The following ALDH18A1 variants were observed in gnomAD, a reference collection of about 807,000 sequenced individuals.
ALDH18A1 encodes the protein aldehyde dehydrogenase 18 family member A1.
In ALDH18A1, 44 loss-of-function variants were observed where a neutral mutation model predicts 88.8. That is an observed-to-expected ratio of 0.50 (90% CI 0.39 to 0.64). ALDH18A1 has a LOEUF of 0.64. Among genes scored for constraint, ALDH18A1 ranks in the 30% least tolerant of loss-of-function variants. The probability of loss-of-function intolerance (pLI) is 0.00; values close to 1 mark genes in which losing one functional copy is unlikely to be tolerated. For synonymous variants in ALDH18A1, 331 were observed against 372.1 expected, an observed-to-expected ratio of 0.89 and a Z score of 1.27; for missense variants, 782 against 1,009.5, an observed-to-expected ratio of 0.77 and a Z score of 3.05.
chr10:95,626,707 T>C lies in ALDH18A1; in HGVS notation c.1148A>G (p.Glu383Gly). 1 of 1,613,914 alleles carries C rather than the reference T, an allele frequency of 6.2e-7. No homozygotes were observed. The highest frequency in any genetic ancestry group is 2.2e-5 in the East Asian group (1 of 44,884). ...GGRMLATLEPEQRAEIIHHLA... is the reference protein window; with the variant it reads ...GGRMLATLEPGQRAEIIHHLA... ...ATTATCACCTAAGGTTATTACCTGC[T>C]CAGGTTCCAAGGTGGCCAACATCCT... is the stretch of plus-strand genomic sequence containing the variant. Residue 383 changes from glutamate (E) to glycine (G), a missense_variant, in exon 10 of 18, where the codon GAG becomes GGG. Glu to Gly is a moderately conservative substitution (Grantham distance 98). Around this residue, in one of 3 missense-constraint regions of ALDH18A1, gnomAD observed 556 missense variants for 654.5 expected, o/e 0.85. Transcript: ENST00000371224.
chr10:95,634,729 G>T (rs1238325450), intron 5 of ALDH18A1, among the ~76,000 whole-genome samples: 2 of 152,190 alleles, frequency 1.3e-5, no homozygotes, highest in African/African-American at 2.4e-5. Context: ...AAACAGCTCT[G>T]CTTTCTAGCT....
Position 95,621,336 on chromosome 10 carries a change from T to C in ALDH18A1, c.1247-85A>G, listed in dbSNP as rs1466252611. ...CCGATGTGTCTTTTTTTTTTTTTTT[T>C]TGAGACAGGGTCTCACTCTGACGCC... On this transcript the variant is annotated intron_variant, in intron 11 of 17. Transcript: ENST00000371224. The C allele has an allele frequency of 5.1e-6, 6 of 1,186,634 alleles. No individual in the cohort carries two copies. In the African/African-American group the frequency reaches 7.6e-5, roughly 15 times the overall value. 73.5% of individuals were successfully genotyped at this position (1,186,634 alleles called of 1,614,324 possible).
intron 17 of ALDH18A1, among the ~76,000 whole-genome samples, 171 bp from the exon 18 acceptor site, chr10:95,607,114 C>T (rs779351863): frequency 6.6e-6 from 1 of 152,174 alleles, no homozygotes; most frequent in Non-Finnish European, 1.5e-5. Flanking sequence ...ACATGTTCTT[C>T]GATTACTACA....
chr10:95,635,327 G>T (rs1448124412), intron 5 of ALDH18A1, among the ~76,000 whole-genome samples: 1 of 152,054 alleles, frequency 6.6e-6, no homozygotes, highest in African/African-American at 2.4e-5. Flanking sequence ...AGATCTAAAG[G>T]TCCAGGAAAA....
At chr10:95,640,903 C>T (rs954704334) in intron 3 of ALDH18A1, among the ~76,000 whole-genome samples, 2 of 152,206 alleles carry the variant, frequency 1.3e-5, no homozygotes, top group Non-Finnish European at 2.9e-5. Context: ...AACTCCAACT[C>T]ACCTAGTTGG....
intron 7 of ALDH18A1, chr10:95,628,772 C>A: frequency 2.4e-6 from 1 of 423,566 alleles, no homozygotes; most frequent in Non-Finnish European, 4.4e-6. Flanking sequence ...ATTAGCCCTG[C>A]CCATATTCCT....
At chr10:95,652,731 G>GA (rs1027384548) in intron 2 of ALDH18A1, among the ~76,000 whole-genome samples, 40 of 139,864 alleles carry the variant, frequency 2.9e-4, no homozygotes, top group Middle Eastern at 3.8e-3. Context: ...TGAGACTCAA[G>GA]AAAAAAAAAA....
chr10:95,612,625 TAC>T (rs2097837219), intron 15 of ALDH18A1, among the ~76,000 whole-genome samples: 1 of 152,214 alleles, frequency 6.6e-6, no homozygotes, highest in Non-Finnish European at 1.5e-5. Context: ...CTGTATGAAG[TAC>T]ACACAGTGAC....
At chr10:95,618,760 A>G (rs997846110) in intron 12 of ALDH18A1, among the ~76,000 whole-genome samples, 1 of 152,236 alleles carries the variant, frequency 6.6e-6, no homozygotes, top group African/African-American at 2.4e-5. Flanking sequence ...CAGCAGGCTA[A>G]CAGAGACTTG....
chr10:95,634,206 A>T (rs2097876445), intron 5 of ALDH18A1, among the ~76,000 whole-genome samples: 1 of 152,252 alleles, frequency 6.6e-6, no homozygotes, highest in Admixed American at 6.5e-5. Context: ...ATCCATTTAC[A>T]AAATTAAGAA....
At chr10:95,609,259 A>G (rs753186406) in intron 17 of ALDH18A1, among the ~76,000 whole-genome samples, 1 of 152,174 alleles carries the variant, frequency 6.6e-6, no homozygotes, top group Non-Finnish European at 1.5e-5. Context: ...TTTTATACCT[A>G]ATGGAAAGGG....
At position 95,633,490 on chromosome 10, in the gene ALDH18A1, C is replaced by T; in HGVS notation, c.717+1G>A. On this transcript the variant is annotated splice_donor_variant, in intron 6 of 17. Coordinates refer to ENST00000371224, the MANE Select transcript of ALDH18A1 (RefSeq NM_002860.4). LOFTEE classifies it high-confidence loss of function. ...TAAACCCTTAGAAATACTTTACCCA[C>T]ATTTACCCCCTGCAGGTCACTGTTG... is the stretch of plus-strand genomic sequence containing the variant. 2 of 1,614,194 alleles carry T rather than the reference C, an allele frequency of 1.2e-6. No homozygotes were observed. The highest frequency in any genetic ancestry group is 8.5e-7 in the Non-Finnish European group (1 of 1,180,038).
At chr10:95,611,544 T>C in intron 15 of ALDH18A1, 102 bp from the exon 16 acceptor site, 1 of 1,398,812 alleles carries the variant, frequency 7.1e-7, no homozygotes, top group Admixed American at 1.7e-5. Flanking sequence ...CAGCCCAAAG[T>C]GGCTCCTGTA....
rs754097296 is a variant in ALDH18A1 at position 95,613,886 on chromosome 10, TTGTTTCCATTGACA to T, written c.1802-37_1802-24del. ...TGACTGAAAGAAGATGAGCAAAGAA[TTGTTTCCATTGACA>T]TGATCCAGAGCTGCAGAGGATGTAA... is the stretch of plus-strand genomic sequence containing the variant. On this transcript the variant is annotated intron_variant, in intron 14 of 17. Coordinates refer to ENST00000371224, the MANE Select transcript of ALDH18A1 (RefSeq NM_002860.4). 1.8e-5 allele frequency: 29 copies of T among 1,614,202 alleles called. No individual in the cohort carries two copies. The East Asian group carries it at 6.2e-4, about 35-fold the overall frequency.
At chr10:95,622,904 T>C (rs2097855118) in intron 11 of ALDH18A1, among the ~76,000 whole-genome samples, 1 of 152,168 alleles carries the variant, frequency 6.6e-6, no homozygotes, top group South Asian at 2.1e-4. Context: ...AACATGTACG[T>C]ACATCTTCAT....
Position 95,637,431 on chromosome 10 carries a change from T to C in ALDH18A1, c.309A>G (p.Ser103=), listed in dbSNP as rs756152034. The C allele has an allele frequency of 2.5e-6, 4 of 1,614,122 alleles. No homozygotes were observed. The South Asian group carries it at 4.4e-5, about 18-fold the overall frequency. Reference sequence around the variant, plus strand: ...TCTCTCTGCCCTGATTCTGCAGCACTGATACCTGGGCATTGAGAAAGGAAA... The same window carrying C: ...TCTCTCTGCCCTGATTCTGCAGCACCGATACCTGGGCATTGAGAAAGGAAA... The part of the protein sequence containing the change: ...GRLASIVEQV[S]VLQNQGREMM... The change falls in exon 4 of 18, where the codon TCA becomes TCG. Residue 103 remains serine, a synonymous_variant. Coordinates refer to ENST00000371224, the MANE Select transcript of ALDH18A1 (RefSeq NM_002860.4).
chr10:95,633,408 C>T (rs548460822), intron 6 of ALDH18A1, 83 bp downstream of exon 6: 2 of 1,540,278 alleles, frequency 1.3e-6, no homozygotes, highest in East Asian at 2.3e-5. Flanking sequence ...CTTGTTTATG[C>T]CAAACTTCTG....
rs190807550 is a variant in ALDH18A1, at chr10:95,634,308, T to C, written c.559-659A>G. Among the ~76,000 whole-genome samples, 12 of 152,338 alleles carry C rather than the reference T, an allele frequency of 7.9e-5. No homozygotes were observed. The East Asian group carries it at 2.3e-3, about 29-fold the overall frequency. On this transcript the variant is annotated intron_variant, in intron 5 of 17. Transcript: ENST00000371224. ...TTTTATAGAGAGGGTCTTACTCTGT[T>C]GTCCACGCTGGACTTGAACTCCTAC... is the stretch of plus-strand genomic sequence containing the variant.
At position 95,616,527 on chromosome 10, in the gene ALDH18A1, G is replaced by A; in HGVS notation, c.1555C>T (p.Leu519=). The A allele has an allele frequency of 6.3e-7, 1 of 1,584,034 alleles. No homozygotes were observed. The highest frequency in any genetic ancestry group is 1.2e-5 in the South Asian group (1 of 86,662). The change falls in exon 13 of 18, where the codon CTG becomes TTG. Residue 519 remains leucine (L), a synonymous_variant. Coordinates refer to ENST00000371224, the MANE Select transcript of ALDH18A1 (RefSeq NM_002860.4). The part of the protein sequence containing the change: ...AAHSNRILHL[L]TQEALSIHGV... ...TGGATTGAGAGAGCCTCCTGGGTCAGGAGGTGGAGAATCCGGTTGCTGTGT... is the reference window on the plus strand; with the variant it reads ...TGGATTGAGAGAGCCTCCTGGGTCAAGAGGTGGAGAATCCGGTTGCTGTGT...
Sources: allele counts gnomAD v4.1 joint callset (sites outside exome capture counted in the v4.1 genomes callset), GRCh38; gene constraint gnomAD v4.1.1; regional missense constraint gnomAD v4.1.1; transcripts MANE v1.5; gene names NCBI Gene and HGNC (gene_info 2026-07-23, HGNC 2026-07-21).